C3orf49: variants seen among roughly 807,000 people sequenced by gnomAD.
C3orf49 encodes the protein chromosome 3 open reading frame 49.
A neutral mutation model predicts 13.3 loss-of-function variants in C3orf49; 27 were observed. That is an observed-to-expected ratio of 2.02 (90% CI 1.49 to 2.79). The LOEUF (loss-of-function observed/expected upper bound fraction) is 2.79. Ranked by LOEUF, C3orf49 falls within the 30% of genes most tolerant of loss-of-function variation. C3orf49 has a pLI of 0.00. For synonymous variants in C3orf49, 87 were observed against 47.6 expected (o/e 1.83, Z -3.40); for missense variants, 242 against 134.2 (o/e 1.80, Z -3.97).
chr3:63,781,103 T>C, the C3orf49 span, among the ~76,000 whole-genome samples: 3 of 151,366 alleles, frequency 2.0e-5, no homozygotes, highest in African/African-American at 7.3e-5. Flanking sequence ...GGTTTTCTTC[T>C]AGGGTTTTTA....
chr3:63,828,815 A>C (rs914907896), intron 3 of C3orf49, among the ~76,000 whole-genome samples: 13 of 152,158 alleles, frequency 8.5e-5, no homozygotes, highest in African/African-American at 1.4e-4. Context: ...GAGTTTAAGT[A>C]ATTTGCCCAC....
chr3:63,779,786 CGGT>C, the C3orf49 span: 4 of 152,232 alleles, frequency 2.6e-5, no homozygotes, highest in East Asian at 7.7e-4. Context: ...CAATAGCATA[CGGT>C]AGGATATATA....
At chr3:63,802,102 T>C in the C3orf49 span, among the ~76,000 whole-genome samples, 2 of 152,212 alleles carry the variant, frequency 1.3e-5, no homozygotes, top group African/African-American at 2.4e-5. Flanking sequence ...AACCTGCCTA[T>C]GCAACCCCAC....
chr3:63,806,583 T>C, the C3orf49 span, among the ~76,000 whole-genome samples: 5 of 152,224 alleles, frequency 3.3e-5, no homozygotes, highest in Non-Finnish European at 5.9e-5. Flanking sequence ...CCATATCTGA[T>C]CCCTGCTCGT....
the C3orf49 span, among the ~76,000 whole-genome samples, chr3:63,789,708 G>A: frequency 1.3e-5 from 2 of 151,598 alleles, no homozygotes; most frequent in African/African-American, 4.9e-5. Context: ...CTACTAGGGA[G>A]GCTGAGGCAG....
chr3:63,780,900 G>A, the C3orf49 span, among the ~76,000 whole-genome samples: 1 of 152,160 alleles, frequency 6.6e-6, no homozygotes, highest in East Asian at 1.9e-4. Context: ...CCCTTTGTCA[G>A]ATAAGTAGAT....
chr3:63,780,999 T>A, the C3orf49 span, among the ~76,000 whole-genome samples: 1 of 151,468 alleles, frequency 6.6e-6, no homozygotes, highest in Non-Finnish European at 1.5e-5. Flanking sequence ...TTTAATTAGA[T>A]CCCATTTGTC....
chr3:63,805,464 C>T, the C3orf49 span, among the ~76,000 whole-genome samples: 1 of 152,274 alleles, frequency 6.6e-6, no homozygotes, highest in South Asian at 2.1e-4. Flanking sequence ...TACAAGTTAC[C>T]ATACTGCAGT....
At chr3:63,838,806 T>C (rs1701692318) in intron 5 of C3orf49, among the ~76,000 whole-genome samples, 1 of 152,250 alleles carries the variant, frequency 6.6e-6, no homozygotes, top group South Asian at 2.1e-4. Context: ...TTTTTTTAAC[T>C]TCACAATTCT....
chr3:63,831,770 G>A lies in C3orf49; in HGVS notation c.775G>A (p.Asp259Asn), dbSNP rs1701534986. The change falls in exon 5 of 7, where the codon GAT (aspartate) becomes AAT (asparagine). Residue 259 changes from aspartate to asparagine, a missense_variant. Transcript: ENST00000295896. ...GCTTCAACAGTGTGAGTTTCTGGGG[G>A]ATGAAATTCTTCAGTCTTCTAAACA... ...AELQQCEFLG[D>N]EILQSSKQFQ... 2.8e-6 allele frequency: 2 copies of A among 703,052 alleles called. No homozygotes were observed. The highest frequency in any genetic ancestry group is 5.4e-5 in the East Asian group (2 of 37,286). The allele number at this position is 703,052 out of a possible 1,614,324, so 43.6% of individuals were successfully genotyped here.
the C3orf49 span, among the ~76,000 whole-genome samples, chr3:63,807,476 T>G: frequency 2.0e-5 from 3 of 152,144 alleles, no homozygotes; most frequent in African/African-American, 7.2e-5. Flanking sequence ...ACCCAAAATT[T>G]GACTTGCTGG....
At chr3:63,786,614 G>A in the C3orf49 span, among the ~76,000 whole-genome samples, 1 of 152,132 alleles carries the variant, frequency 6.6e-6, no homozygotes, top group African/African-American at 2.4e-5. Context: ...GTATGTGTAG[G>A]CACAGGCAAT....
At chr3:63,847,033 A>G (rs1002643223) in intron 6 of C3orf49, among the ~76,000 whole-genome samples, 1 of 152,112 alleles carries the variant, frequency 6.6e-6, no homozygotes, top group African/African-American at 2.4e-5. Flanking sequence ...CACTAGTAGG[A>G]GGGCTAGAAC....
the C3orf49 span, among the ~76,000 whole-genome samples, chr3:63,783,489 T>C: frequency 1.3e-5 from 2 of 150,050 alleles, no homozygotes; most frequent in South Asian, 2.1e-4. Context: ...GAGACCATCC[T>C]GGCAAATACA....
At chr3:63,785,834 G>T in the C3orf49 span, 1 of 151,898 alleles carries the variant, frequency 6.6e-6, no homozygotes, top group African/African-American at 2.4e-5. Context: ...GTTAAGTAAT[G>T]ATTTCATTAA....
the C3orf49 span, among the ~76,000 whole-genome samples, chr3:63,805,792 G>T: frequency 3.4e-4 from 52 of 152,216 alleles, no homozygotes; most frequent in African/African-American, 1.2e-3. Context: ...GCTTCAGAGG[G>T]AAATAGTATC....
Position 63,826,231 on chromosome 3 carries a change from G to A in C3orf49, c.446-1370G>A, listed in dbSNP as rs540328304. On this transcript the variant is annotated intron_variant, in intron 2 of 6. Coordinates refer to ENST00000295896, the MANE Select transcript of C3orf49 (RefSeq NM_001355236.2). ...GCTGGGGATTTATATAATCTGATTT[G>A]CATTCTTAAAAGATAGCTTTGGTTA... 2.0e-5 allele frequency among the ~76,000 whole-genome samples: 3 copies of A among 152,294 alleles called. No individual in the cohort carries two copies. The South Asian group carries it at 6.2e-4, about 32-fold the overall frequency.
At position 63,827,774 on chromosome 3, in the gene C3orf49, G is replaced by A. The variant is rs144941696; in HGVS notation, c.570+49G>A. ...TCTGAAGACTTACACATAACTCAAT[G>A]TCTAGAGATTTTGCAAAAACCAAGT... On this transcript the variant is annotated intron_variant, in intron 3 of 6. Transcript: ENST00000295896. The A allele has an allele frequency of 3.0e-4, 204 of 687,780 alleles. No homozygotes were observed. The African/African-American group carries it at 3.3e-3, about 11-fold the overall frequency. The allele number at this position is 687,780 out of a possible 1,614,324, so 42.6% of individuals were successfully genotyped here. A position where few individuals can be genotyped will look rare whatever the true frequency, so the allele number is the denominator to read the frequency against.
chr3:63,839,828 A>G, intron 5 of C3orf49: 1 of 1,394,402 alleles, frequency 7.2e-7, no homozygotes, highest in Admixed American at 1.7e-5. Context: ...TTCAAGTACA[A>G]ATAACCAGTA....
Sources: allele counts gnomAD v4.1 joint callset (sites outside exome capture counted in the v4.1 genomes callset), GRCh38; gene constraint gnomAD v4.1.1; transcripts MANE v1.5; gene names NCBI Gene and HGNC (gene_info 2026-07-23, HGNC 2026-07-21).